RBPJ: variants seen among roughly 807,000 people sequenced by gnomAD.
RBPJ encodes recombining binding protein suppressor of hairless.
A neutral mutation model predicts 67.8 loss-of-function variants in RBPJ; 9 were observed. The ratio of observed to expected loss-of-function variants is 0.13; its 90% CI spans 0.08 to 0.23. The LOEUF is 0.23. Among genes scored for constraint, RBPJ ranks in the 10% least tolerant of loss-of-function variants. The pLI, the probability that RBPJ is intolerant of heterozygous loss-of-function variation, is 1.00. For missense variants in RBPJ, 305 were observed against 595.6 expected (o/e 0.51, Z 5.08); for synonymous variants, 198 against 203.3 (o/e 0.97, Z 0.22).
At chr4:26,319,955 C>A, upstream of RBPJ, 1 of 1,399,462 alleles carries the variant, frequency 7.1e-7, no homozygotes, top group Non-Finnish European at 9.8e-7. Flanking sequence ...GCCAGGTTTG[C>A]CCGGGGGCTT....
chr4:26,110,817 G>A, the RBPJ span, among the ~76,000 whole-genome samples: 7 of 152,256 alleles, frequency 4.6e-5, no homozygotes, highest in East Asian at 5.8e-4. This position sits in a 1 kb window ranked among gnomAD's most constrained non-coding sequence, Gnocchi z 4.5. Context: ...TCCAGGTGCC[G>A]CTCAGCCCTG....
intron 1 of RBPJ, among the ~76,000 whole-genome samples, chr4:26,219,263 G>T (rs970274551): frequency 3.9e-5 from 6 of 152,316 alleles, no homozygotes; most frequent in African/African-American, 1.4e-4. Flanking sequence ...CTTATTGGGG[G>T]TGGCAAGGTT....
chr4:26,428,586 A>G (rs972781854), intron 7 of RBPJ, 134 bp from the exon 8 acceptor site: 1 of 602,556 alleles, frequency 1.7e-6, no homozygotes. Context: ...ATGTTTTTAT[A>G]TATGTAGGCA....
the RBPJ span, among the ~76,000 whole-genome samples, chr4:26,156,309 G>A: frequency 6.6e-6 from 1 of 151,844 alleles, no homozygotes; most frequent in Non-Finnish European, 1.5e-5. Flanking sequence ...GTCTCAAGCA[G>A]CAGGCTAAGG....
chr4:26,406,026 G>T, intron 2 of RBPJ, 149 bp from the exon 3 acceptor site: 1 of 525,870 alleles, frequency 1.9e-6, no homozygotes, highest in Non-Finnish European at 3.4e-6. Context: ...TTAATTTATG[G>T]ATTTACTTTG....
intron 1 of RBPJ, among the ~76,000 whole-genome samples, chr4:26,202,970 TA>T (rs1718036354): frequency 7.2e-6 from 1 of 138,506 alleles, no homozygotes; most frequent in Admixed American, 7.6e-5. Flanking sequence ...AGGAAGGAAA[TA>T]AGGAAGGAAG....
intron 1 of RBPJ, among the ~76,000 whole-genome samples, chr4:26,345,787 A>G (rs1483391462): frequency 6.6e-6 from 1 of 152,178 alleles, no homozygotes; most frequent in Non-Finnish European, 1.5e-5. Context: ...CTGCTTAGTC[A>G]GATGACTACC....
rs755554249 is a variant in RBPJ at position 26,430,104 on chromosome 4, GCTGTGAC to G, written c.1044+55_1044+61del. 1.3e-6 allele frequency: 2 copies of G among 1,585,016 alleles called. No homozygotes were observed. Among genetic ancestry groups the G allele is most frequent in the Non-Finnish European group, 1.7e-6 (2 of 1,155,190 alleles). ...CTTCAGCTCTTTGCAGCTACTCTCA[GCTGTGAC>G]CTGGCATCATTTCATTTCATGGGAG... On this transcript the variant is annotated intron_variant, in intron 9 of 10. Coordinates refer to ENST00000355476, the MANE Select transcript of RBPJ (RefSeq NM_015874.6). The surrounding 1 kb of genome is among the most constrained non-coding windows in gnomAD (Gnocchi z 4.1).
At chr4:26,184,873 G>A (rs1473222593) in intron 1 of RBPJ, among the ~76,000 whole-genome samples, 1 of 152,164 alleles carries the variant, frequency 6.6e-6, no homozygotes. Flanking sequence ...CGGGTGCGGT[G>A]GCTCATGCCT....
chr4:26,144,231 A>G, the RBPJ span, among the ~76,000 whole-genome samples: 19 of 147,052 alleles, frequency 1.3e-4, no homozygotes, highest in East Asian at 8.1e-4. Flanking sequence ...ATTTTTTTAT[A>G]GAGGGGAAGA....
At chr4:26,277,114 T>TA (rs34364319) in intron 1 of RBPJ, among the ~76,000 whole-genome samples, 44,823 of 137,084 alleles carry the variant, frequency 0.33, 8,249 homozygotes, top group Admixed American at 0.43. Context: ...ACCCCATTTC[T>TA]AAAAAAAAAA....
rs544614473 is a variant in RBPJ at position 26,195,288 on chromosome 4, T to A, written c.-167+31674T>A. 1.1e-4 allele frequency among the ~76,000 whole-genome samples: 17 copies of A among 152,326 alleles called. 1 individual carries two copies. In the South Asian group the frequency reaches 3.3e-3, roughly 30 times the overall value. On this transcript the variant is annotated intron_variant, in intron 1 of 4. Transcript: ENST00000512351. ...GGGAGGCTGAGGCAGGAGGATCACT[T>A]GAGCTCAGAAGTTCAAAGCTGCAGT...
intron 1 of RBPJ, among the ~76,000 whole-genome samples, chr4:26,249,668 C>A (rs1720036262): frequency 6.6e-6 from 1 of 151,906 alleles, no homozygotes; most frequent in East Asian, 1.9e-4. Flanking sequence ...CACACACACA[C>A]AAAAAGTAAT....
At chr4:26,243,943 A>G (rs961580819) in intron 1 of RBPJ, among the ~76,000 whole-genome samples, 1 of 151,720 alleles carries the variant, frequency 6.6e-6, no homozygotes, top group Non-Finnish European at 1.5e-5. Flanking sequence ...AAAAATACAA[A>G]CATTAGCCGG....
rs116448536 is a variant in RBPJ at position 26,379,409 on chromosome 4, T to C, written c.21-6944T>C. On this transcript the variant is annotated intron_variant, in intron 1 of 10. Coordinates refer to ENST00000355476, the MANE Select transcript of RBPJ (RefSeq NM_015874.6). ...GAACTGCTTGAGACTGAATAATGTA[T>C]AAAGAAAAGAGGTTTAATTGCCTTA... Among the ~76,000 whole-genome samples, 1,209 of 152,178 alleles carry C rather than the reference T, an allele frequency of 7.9e-3. 23 individuals are homozygous for C. Among genetic ancestry groups the C allele is most frequent in the African/African-American group, 0.028 (1,166 of 41,510 alleles).
chr4:26,138,615 G>T, the RBPJ span, among the ~76,000 whole-genome samples: 1 of 152,208 alleles, frequency 6.6e-6, no homozygotes, highest in Non-Finnish European at 1.5e-5. Flanking sequence ...TCGCTGCTCT[G>T]GAGTCTGAGT....
intron 1 of RBPJ, among the ~76,000 whole-genome samples, chr4:26,201,762 C>G (rs748488751): frequency 6.6e-6 from 1 of 152,182 alleles, no homozygotes. Flanking sequence ...ACTTCATGCC[C>G]TCCACTCAAA....
At chr4:26,411,315 C>T (rs1286966993) in intron 3 of RBPJ, among the ~76,000 whole-genome samples, 1 of 151,442 alleles carries the variant, frequency 6.6e-6, no homozygotes, top group Non-Finnish European at 1.5e-5. Context: ...AATTTGGTGG[C>T]CTTTTATTTT....
Position 26,431,306 on chromosome 4 carries a change from G to A in RBPJ, c.*299G>A, listed in dbSNP as rs778002342. 1 of 278,238 alleles carries A rather than the reference G, an allele frequency of 3.6e-6. No homozygotes were observed. Among genetic ancestry groups the A allele is most frequent in the Non-Finnish European group, 6.8e-6 (1 of 148,058 alleles). 17.2% of individuals were successfully genotyped at this position (278,238 alleles called of 1,614,324 possible). On this transcript the variant is annotated 3_prime_UTR_variant, in exon 11 of 11. Transcript: ENST00000355476. ...GTTTTTGTTTGGTTTTGTTTAAATG[G>A]GCAAGAAGTAAATAATGTGGCTGGA...
Sources: allele counts gnomAD v4.1 joint callset (sites outside exome capture counted in the v4.1 genomes callset), GRCh38; gene constraint gnomAD v4.1.1; non-coding constraint Gnocchi (gnomAD v3.1); transcripts MANE v1.5; gene names NCBI Gene and HGNC (gene_info 2026-07-23, HGNC 2026-07-21).